The following RFWD3 variants were observed in gnomAD, a reference collection of about 807,000 sequenced individuals.
RFWD3 encodes the protein E3 ubiquitin-protein ligase RFWD3.
In RFWD3, 65 loss-of-function variants were observed where a neutral mutation model predicts 87.7. That is an observed-to-expected ratio of 0.74 (90% confidence interval 0.61 to 0.91). RFWD3 has a LOEUF of 0.91. Ranked by LOEUF, RFWD3 falls within the 40% of genes least tolerant of loss-of-function variation. The probability of loss-of-function intolerance (pLI) is 0.00; values close to 1 mark genes in which losing one functional copy is unlikely to be tolerated. For missense variants in RFWD3, 1,078 were observed against 938.5 expected (o/e 1.15, Z -1.94); for synonymous variants, 433 against 352.8 (o/e 1.23, Z -2.55).
At chr16:74,637,182 A>G (rs1176366423) in intron 7 of RFWD3, among the ~76,000 whole-genome samples, 2 of 148,506 alleles carry the variant, frequency 1.3e-5, no homozygotes, top group Non-Finnish European at 1.5e-5. Flanking sequence ...TCTGTCATCC[A>G]TGGCATCCAG....
rs1419961190 is a variant in RFWD3 at position 74,641,085 on chromosome 16, C to T, written c.1080-3115G>A. Among the ~76,000 whole-genome samples, 9 of 152,060 alleles carry T rather than the reference C, an allele frequency of 5.9e-5. No homozygotes were observed. The East Asian group carries it at 1.3e-3, about 23-fold the overall frequency. On this transcript the variant is annotated intron_variant, in intron 6 of 12. Coordinates refer to ENST00000361070, the MANE Select transcript of RFWD3 (RefSeq NM_018124.4). ...GCCCTATAATAAAGCAATTCCATTG[C>T]TAGACCTCTCTGCAGCATGGCTAAT...
chr16:74,659,405 G>A (rs1181334671), intron 2 of RFWD3, among the ~76,000 whole-genome samples: 1 of 152,078 alleles, frequency 6.6e-6, no homozygotes, highest in African/African-American at 2.4e-5. Flanking sequence ...ATCTTACCCT[G>A]CCTTTATAAC....
At position 74,644,410 on chromosome 16, in the gene RFWD3, G is replaced by A. The variant is rs1307003739; in HGVS notation, c.1031C>T (p.Ala344Val). 1.2e-6 allele frequency: 2 copies of A among 1,614,148 alleles called. No individual in the cohort carries two copies. Among genetic ancestry groups the A allele is most frequent in the Middle Eastern group, 1.6e-4 (1 of 6,062 alleles). ...AGTGTCCAAAGCTCTCAGGGTTCGG[G>A]CATAAAGGACGACAATGTCACTGTG... ...ARHSDIVVLY[A>V]RTLRALDTSE... The change falls in exon 6 of 13, where the codon GCC (alanine) becomes GTC (valine). Residue 344 changes from alanine (A) to valine (V), a missense_variant. Transcript: ENST00000361070.
rs1407491543 is a variant in RFWD3 at position 74,632,404 on chromosome 16, CA to C, written c.1577+118del. 11 of 1,251,550 alleles carry C rather than the reference CA, an allele frequency of 8.8e-6. No individual in the cohort carries two copies. The Admixed American group carries it at 2.0e-4, about 23-fold the overall frequency. The allele number at this position is 1,251,550 out of a possible 1,614,324, so 77.5% of individuals were successfully genotyped here. A position where few individuals can be genotyped will look rare whatever the true frequency, so the allele number is the denominator to read the frequency against. On this transcript the variant is annotated intron_variant, in intron 9 of 12. Coordinates refer to ENST00000361070, the MANE Select transcript of RFWD3 (RefSeq NM_018124.4). ...GAGACTCCATCTCAAAAAAACAAAA[CA>C]AAACAAAACAACAACAACAACAAAA...
At chr16:74,641,818 T>TG (rs1959670678) in intron 6 of RFWD3, among the ~76,000 whole-genome samples, 1 of 149,522 alleles carries the variant, frequency 6.7e-6, no homozygotes, top group Non-Finnish European at 1.5e-5. Context: ...CCCGGCTACT[T>TG]GGGAGACTGA....
At chr16:74,634,494 C>T (rs1959177383) in intron 8 of RFWD3, among the ~76,000 whole-genome samples, 1 of 152,094 alleles carries the variant, frequency 6.6e-6, no homozygotes, top group Non-Finnish European at 1.5e-5. Context: ...AAGCGATCCT[C>T]CCAACTCAGC....
intron 10 of RFWD3, among the ~76,000 whole-genome samples, chr16:74,629,709 G>T (rs1253204883): frequency 6.6e-6 from 1 of 150,828 alleles, no homozygotes; most frequent in Non-Finnish European, 1.5e-5. Context: ...ACTCTATTTG[G>T]GCCTAGGTTT....
chr16:74,649,286 C>G, intron 3 of RFWD3, 84 bp from the exon 4 acceptor site: 1 of 936,296 alleles, frequency 1.1e-6, no homozygotes, highest in Non-Finnish European at 1.6e-6. Context: ...AGGAGAGAGC[C>G]TGACTCACTA....
chr16:74,655,717 G>A (rs950450346), intron 2 of RFWD3, among the ~76,000 whole-genome samples: 1 of 151,504 alleles, frequency 6.6e-6, no homozygotes, highest in Non-Finnish European at 1.5e-5. Context: ...TGGAGACGGG[G>A]TTTCACCGTG....
Position 74,623,403 on chromosome 16 carries a change from C to G in RFWD3, c.*525G>C, listed in dbSNP as rs1958822541. Reference sequence around the variant, plus strand: ...CTAAAAGATTGTCAGCCTTCAAGGTCAGAAATAAACCGGACACAAGGTTCT... The same window carrying G: ...CTAAAAGATTGTCAGCCTTCAAGGTGAGAAATAAACCGGACACAAGGTTCT... On this transcript the variant is annotated 3_prime_UTR_variant, in exon 13 of 13. Coordinates refer to ENST00000361070, the MANE Select transcript of RFWD3 (RefSeq NM_018124.4). 6.5e-6 allele frequency: 1 copy of G among 152,780 alleles called. No homozygotes were observed. Among genetic ancestry groups the G allele is most frequent in the Non-Finnish European group, 1.5e-5 (1 of 68,186 alleles). 9.5% of individuals were successfully genotyped at this position (152,780 alleles called of 1,614,324 possible).
At chr16:74,642,626 A>G (rs376263170) in intron 6 of RFWD3, among the ~76,000 whole-genome samples, 4 of 152,012 alleles carry the variant, frequency 2.6e-5, no homozygotes, top group South Asian at 2.1e-4. Context: ...TGAGTAGCTG[A>G]GACTACAGGT....
rs529414913 is a variant in RFWD3, at chr16:74,661,163, G to A, written c.287C>T (p.Pro96Leu). The A allele has an allele frequency of 7.4e-6, 12 of 1,614,046 alleles. No individual in the cohort carries two copies. Among genetic ancestry groups the A allele is most frequent in the Non-Finnish European group, 1.0e-5 (12 of 1,180,042 alleles). ...CTGCCTATGTTGTTCTGAAGTTCTT[G>A]GATTGATGTTCTCCACAGTGTCTTC... is the stretch of plus-strand genomic sequence containing the variant. ...LGEDTVENINPRTSEQHRQGS... is the reference protein window; with the variant it reads ...LGEDTVENINLRTSEQHRQGS... The change falls in exon 2 of 13, where the codon CCA becomes CTA. Residue 96 changes from proline to leucine, a missense_variant. By Grantham distance (98) the Pro-to-Leu change is moderately conservative (BLOSUM62 -3). Transcript: ENST00000361070.
chr16:74,626,023 T>C (rs1255036069), intron 12 of RFWD3, among the ~76,000 whole-genome samples: 2 of 152,092 alleles, frequency 1.3e-5, no homozygotes, highest in African/African-American at 4.8e-5. Context: ...CTGTCTCTAC[T>C]AAAAATACAA....
rs58439735 is a variant in RFWD3, at chr16:74,632,044, A to G, written c.1577+479T>C. ...GTAACCTTCTGTGCCCACTTCTAAA[A>G]GCAATATATTTTAAATGGATCTCAG... On this transcript the variant is annotated intron_variant, in intron 9 of 12. Transcript: ENST00000361070. 9.5e-4 allele frequency among the ~76,000 whole-genome samples: 145 copies of G among 152,318 alleles called. 1 individual carries two copies. In the East Asian group the frequency reaches 0.027, roughly 28 times the overall value.
chr16:74,657,993 C>T (rs1273391972), intron 2 of RFWD3, among the ~76,000 whole-genome samples: 1 of 152,112 alleles, frequency 6.6e-6, no homozygotes, highest in African/African-American at 2.4e-5. Flanking sequence ...AAAAAAATCA[C>T]TCTTTAATAT....
intron 6 of RFWD3, among the ~76,000 whole-genome samples, 182 bp from the exon 7 acceptor site, chr16:74,638,152 T>G (rs1959311178): frequency 6.6e-6 from 1 of 151,794 alleles, no homozygotes; most frequent in Admixed American, 6.6e-5. Context: ...AAGCAGGGAG[T>G]GATGGTCAGG....
At position 74,623,956 on chromosome 16, in the gene RFWD3, T is replaced by C. The variant is rs1237810537; in HGVS notation, c.2297A>G (p.Lys766Arg). The change falls in exon 13 of 13, where the codon AAG (lysine) becomes AGG (arginine). Residue 766 changes from lysine (K) to arginine (R), a missense_variant. Lys to Arg is a conservative substitution (Grantham distance 26). Coordinates refer to ENST00000361070, the MANE Select transcript of RFWD3 (RefSeq NM_018124.4). Reference sequence around the variant, plus strand: ...CTCCCACTTATAGATGTGGACCATCTTCTCTGTTAAGGTAGCCAAGTAGCT... The same window carrying C: ...CTCCCACTTATAGATGTGGACCATCCTCTCTGTTAAGGTAGCCAAGTAGCT... ...RNSYLATLTE[K>R]MVHIYKWE is the part of the protein sequence containing the mutation. 2 of 1,614,166 alleles carry C rather than the reference T, an allele frequency of 1.2e-6. No homozygotes were observed. The highest frequency in any genetic ancestry group is 1.7e-6 in the Non-Finnish European group (2 of 1,180,016).
At chr16:74,640,893 C>G (rs1160569294) in intron 6 of RFWD3, among the ~76,000 whole-genome samples, 1 of 151,966 alleles carries the variant, frequency 6.6e-6, no homozygotes, top group Non-Finnish European at 1.5e-5. Flanking sequence ...GAGCTGAGAT[C>G]ACGCCACTGC....
chr16:74,632,817 G>C (rs1308304719), intron 8 of RFWD3, 144 bp from the exon 9 acceptor site: 2 of 678,864 alleles, frequency 2.9e-6, no homozygotes, highest in South Asian at 3.8e-5. Flanking sequence ...ATTCTCTAGT[G>C]TTACAATTTA....
Sources: gnomAD v4.1 joint callset for allele counts (sites outside exome capture counted in the v4.1 genomes callset) on GRCh38, gnomAD v4.1.1 for gene constraint, MANE v1.5 for transcripts, NCBI Gene and HGNC (gene_info 2026-07-23, HGNC 2026-07-21) for gene names.